The following PTPRN2 variants were observed in gnomAD, a reference collection of about 807,000 sequenced individuals.
The protein encoded by PTPRN2 is protein tyrosine phosphatase receptor type N2.
In PTPRN2, 74 loss-of-function variants were observed where a neutral mutation model predicts 118.8. The ratio of observed to expected loss-of-function variants is 0.62; its 90% CI spans 0.52 to 0.76. The LOEUF is 0.76. Among genes scored for constraint, PTPRN2 ranks in the 30% least tolerant of loss-of-function variants. PTPRN2 has a pLI of 0.00. For missense variants in PTPRN2, 1,481 were observed against 1,394.4 expected, an observed-to-expected ratio of 1.06 and a Z score of -0.99; for synonymous variants, 641 against 608.0, an observed-to-expected ratio of 1.05 and a Z score of -0.80.
intron 11 of PTPRN2, among the ~76,000 whole-genome samples, chr7:157,968,068 A>T (rs142394142): frequency 1.5e-4 from 23 of 152,322 alleles, no homozygotes; most frequent in African/African-American, 5.3e-4. Flanking sequence ...AGTACCACCT[A>T]GCACTAGTAA....
Position 157,987,705 on chromosome 7 carries a change from G to C in PTPRN2, c.1724-88968C>G, listed in dbSNP as rs1803912022. ...TGCTATCAGTCTTTCTCTAGAGATG[G>C]GGCAGTTATTATGCAGTGTGGGATC... On this transcript the variant is annotated intron_variant, in intron 11 of 22. Coordinates refer to ENST00000389418, the MANE Select transcript of PTPRN2 (RefSeq NM_002847.5). This position sits in a 1 kb window ranked among gnomAD's most constrained non-coding sequence, Gnocchi z 4.3. Among the ~76,000 whole-genome samples, 1 of 152,166 alleles carries C rather than the reference G, an allele frequency of 6.6e-6. No individual in the cohort carries two copies. The highest frequency in any genetic ancestry group is 6.5e-5 in the Admixed American group (1 of 15,282).
In PTPRN2 at chr7:157,627,416, C is replaced by T. The variant is rs1488509288; in HGVS notation, c.2197-5907G>A. On this transcript the variant is annotated intron_variant, in intron 14 of 22. Transcript: ENST00000389418. The surrounding 1 kb of genome is among the most constrained non-coding windows in gnomAD (Gnocchi z 4.2). ...TCAGGAAATCCATGAAGAGTGAAAA[C>T]AGGGAGCGAAGAATTGGTGGTGAAT... Among the ~76,000 whole-genome samples, 1 of 152,216 alleles carries T rather than the reference C, an allele frequency of 6.6e-6. No individual in the cohort carries two copies. The highest frequency in any genetic ancestry group is 1.9e-4 in the East Asian group (1 of 5,196).
At chr7:158,341,137 G>C (rs62493625) in intron 2 of PTPRN2, among the ~76,000 whole-genome samples, 4,987 of 16,462 alleles carry the variant, frequency 0.3, 850 homozygotes, top group Non-Finnish European at 0.38. Flanking sequence ...CACACCCACA[G>C]TCTCACCATA....
chr7:158,283,985 T>G (rs745402146), intron 3 of PTPRN2, among the ~76,000 whole-genome samples: 6 of 152,146 alleles, frequency 3.9e-5, no homozygotes, highest in Non-Finnish European at 8.8e-5. Flanking sequence ...GGTTCGGGCA[T>G]CAAGATCAGA....
intron 1 of PTPRN2, among the ~76,000 whole-genome samples, chr7:158,538,493 C>T (rs955799069): frequency 3.3e-5 from 5 of 152,166 alleles, no homozygotes; most frequent in Non-Finnish European, 5.9e-5. Context: ...GCGCAGCCTC[C>T]GTGGGTCGTG....
intron 12 of PTPRN2, among the ~76,000 whole-genome samples, chr7:157,772,788 G>T (rs1033158605): frequency 6.6e-6 from 1 of 152,234 alleles, no homozygotes; most frequent in Non-Finnish European, 1.5e-5. Flanking sequence ...TTGAGTCTTT[G>T]GTCGCTTTTG....
intron 12 of PTPRN2, among the ~76,000 whole-genome samples, chr7:157,790,903 T>C (rs1282495253): frequency 1.3e-5 from 2 of 152,216 alleles, no homozygotes; most frequent in Admixed American, 6.5e-5. Context: ...TTCCGTTCTG[T>C]AATGATTAAA....
intron 2 of PTPRN2, among the ~76,000 whole-genome samples, chr7:158,333,604 T>A (rs1314390735): frequency 6.7e-6 from 1 of 149,458 alleles, no homozygotes; most frequent in Non-Finnish European, 1.5e-5. Context: ...ACACCCACAC[T>A]CTCACTATAA....
intron 2 of PTPRN2, among the ~76,000 whole-genome samples, chr7:158,487,171 C>T (rs1041094141): frequency 6.6e-5 from 10 of 152,220 alleles, no homozygotes; most frequent in Non-Finnish European, 1.2e-4. Flanking sequence ...CTTGTCCATT[C>T]GCCCATCAGT....
chr7:158,295,235 T>C (rs1586157322), intron 3 of PTPRN2, among the ~76,000 whole-genome samples: 6 of 49,220 alleles, frequency 1.2e-4, no homozygotes, highest in East Asian at 5.9e-4. Context: ...ACCCTGCCTG[T>C]CTGCCCAGAC....
intron 11 of PTPRN2, among the ~76,000 whole-genome samples, chr7:158,019,839 G>T (rs1806734004): frequency 6.6e-6 from 1 of 152,222 alleles, no homozygotes; most frequent in Non-Finnish European, 1.5e-5. Context: ...CGGCCTTGGT[G>T]TGGCTGGGGC....
In PTPRN2 at chr7:158,587,604, G is replaced by A; in HGVS notation, c.66C>T (p.Ala22=). Residue 22 remains alanine, a synonymous_variant, in exon 1 of 23, where the codon GCC becomes GCT. Coordinates refer to ENST00000389418, the MANE Select transcript of PTPRN2 (RefSeq NM_002847.5). The stretch of plus-strand genomic sequence containing the variant: ...GGCCGCGGGGGACGGACGAAGGGGC[G>A]GCAGGCAGGACGCGTGGCGGCAGCA... The part of the protein sequence containing the change: ...LLLLPPRVLP[A]APSSVPRGRQ... 1 of 1,359,338 alleles carries A rather than the reference G, an allele frequency of 7.4e-7. No homozygotes were observed. Among genetic ancestry groups the A allele is most frequent in the Non-Finnish European group, 9.4e-7 (1 of 1,063,198 alleles). 84.2% of individuals were successfully genotyped at this position (1,359,338 alleles called of 1,614,324 possible).
chr7:157,588,940 C>T (rs1410635523), intron 17 of PTPRN2, among the ~76,000 whole-genome samples: 1 of 152,068 alleles, frequency 6.6e-6, no homozygotes, highest in African/African-American at 2.4e-5. Flanking sequence ...CTCTGTATAT[C>T]TCTATTTTAA....
At chr7:157,544,129 G>A (rs562095188) in intron 22 of PTPRN2, among the ~76,000 whole-genome samples, 2 of 148,022 alleles carry the variant, frequency 1.4e-5, no homozygotes, top group African/African-American at 2.5e-5. Context: ...ATGGAGAGAG[G>A]CGGAGAGAGG....
At chr7:158,120,338 T>C (rs1395952578) in intron 9 of PTPRN2, among the ~76,000 whole-genome samples, 1 of 152,180 alleles carries the variant, frequency 6.6e-6, no homozygotes, top group Non-Finnish European at 1.5e-5. Flanking sequence ...ACAGTAAACT[T>C]TATGTTATCT....
intron 1 of PTPRN2, among the ~76,000 whole-genome samples, chr7:158,556,739 GC>G (rs1179041437): frequency 1.3e-5 from 2 of 149,228 alleles, no homozygotes; most frequent in Non-Finnish European, 1.5e-5. Flanking sequence ...CGGCTCCCGG[GC>G]AGGTCAGGCG....
chr7:157,950,371 TGC>T (rs1800730685), intron 11 of PTPRN2, among the ~76,000 whole-genome samples: 2 of 152,172 alleles, frequency 1.3e-5, no homozygotes, highest in Admixed American at 6.5e-5. Flanking sequence ...AATGTTCAGA[TGC>T]ATAATGGGTT....
At chr7:158,514,804 G>A (rs1019349564) in intron 1 of PTPRN2, among the ~76,000 whole-genome samples, 2 of 152,128 alleles carry the variant, frequency 1.3e-5, no homozygotes, top group African/African-American at 4.8e-5. Context: ...TGGTTAACAG[G>A]AAAACATCTC....
intron 12 of PTPRN2, among the ~76,000 whole-genome samples, chr7:157,817,271 G>C (rs796118970): frequency 6.6e-6 from 1 of 152,192 alleles, no homozygotes; most frequent in African/African-American, 2.4e-5. Context: ...TTGCTGGTGC[G>C]CTGGGGGTCT....
Sources: allele counts gnomAD v4.1 joint callset (sites outside exome capture counted in the v4.1 genomes callset), GRCh38; gene constraint gnomAD v4.1.1; non-coding constraint Gnocchi (gnomAD v3.1); transcripts MANE v1.5; gene names NCBI Gene and HGNC (gene_info 2026-07-23, HGNC 2026-07-21).